Variants in XYLT1 observed in about 807,000 individuals in gnomAD.
The protein encoded by XYLT1 is beta-D-xylosyltransferase 1.
Under a neutral mutation model 91.3 loss-of-function variants are expected in XYLT1, and 36 were observed. The ratio of observed to expected loss-of-function variants is 0.39; its 90% CI spans 0.30 to 0.52. The LOEUF (loss-of-function observed/expected upper bound fraction) is 0.52, where lower values mean the gene tolerates loss of function less well. Ranked by LOEUF, XYLT1 falls within the 20% of genes least tolerant of loss-of-function variation. XYLT1 has a pLI of 0.68. For synonymous variants in XYLT1, 588 were observed against 532.0 expected, an observed-to-expected ratio of 1.11 and a Z score of -1.45; for missense variants, 1,242 against 1,284.5, an observed-to-expected ratio of 0.97 and a Z score of 0.51.
intron 11 of XYLT1, among the ~76,000 whole-genome samples, chr16:17,117,316 T>C (rs1259498206): frequency 6.6e-6 from 1 of 152,220 alleles, no homozygotes; most frequent in Non-Finnish European, 1.5e-5. Flanking sequence ...TTTTTTAAAA[T>C]AGTAAACAAG....
intron 6 of XYLT1, among the ~76,000 whole-genome samples, chr16:17,158,530 A>T (rs1039597586): frequency 6.6e-6 from 1 of 152,210 alleles, no homozygotes; most frequent in African/African-American, 2.4e-5. Context: ...AATGAGAATT[A>T]ACCGTGGGTG....
intron 2 of XYLT1, among the ~76,000 whole-genome samples, chr16:17,351,179 A>T (rs780507131): frequency 2.6e-5 from 4 of 152,168 alleles, no homozygotes; most frequent in Admixed American, 6.5e-5. Context: ...GTCATTGTGT[A>T]CCCAGAGTCA....
At chr16:17,153,497 C>T (rs565140337) in intron 6 of XYLT1, among the ~76,000 whole-genome samples, 4 of 152,272 alleles carry the variant, frequency 2.6e-5, no homozygotes, top group Non-Finnish European at 5.9e-5. Context: ...TGGTGCAAGC[C>T]TCAAACTCCT....
intron 5 of XYLT1, among the ~76,000 whole-genome samples, chr16:17,163,148 C>T (rs1339415152): frequency 6.6e-6 from 1 of 152,158 alleles, no homozygotes; most frequent in African/African-American, 2.4e-5. Flanking sequence ...TGCATAAGAC[C>T]CATGGAATGT....
chr16:17,286,401 A>G (rs977557038), intron 2 of XYLT1, among the ~76,000 whole-genome samples: 1 of 152,206 alleles, frequency 6.6e-6, no homozygotes, highest in Non-Finnish European at 1.5e-5. Context: ...TTTTGGTCAA[A>G]CCATGGACTG....
intron 1 of XYLT1, among the ~76,000 whole-genome samples, chr16:17,453,032 G>T (rs1359250226): frequency 6.6e-6 from 1 of 152,268 alleles, no homozygotes; most frequent in East Asian, 1.9e-4. Context: ...CTCACATCTG[G>T]GAATTCCACT....
At chr16:17,127,601 T>C (rs1029227545) in intron 10 of XYLT1, 65 bp downstream of exon 10, 88 of 1,530,570 alleles carry the variant, frequency 5.7e-5, no homozygotes, top group Non-Finnish European at 7.6e-5. Flanking sequence ...TGTCAGATAG[T>C]GGAGTAGAAT....
chr16:17,181,189 C>G (rs544540803), intron 5 of XYLT1, among the ~76,000 whole-genome samples: 1 of 152,284 alleles, frequency 6.6e-6, no homozygotes, highest in Non-Finnish European at 1.5e-5. Context: ...TGTCTTCAAA[C>G]AGCCTTGCAG....
chr16:17,447,408 C>A (rs1051839219), intron 1 of XYLT1, among the ~76,000 whole-genome samples: 3 of 152,234 alleles, frequency 2.0e-5, no homozygotes, highest in Non-Finnish European at 4.4e-5. Context: ...CATTCTAGAC[C>A]CTGTGCCAGG....
chr16:17,351,014 GAA>G (rs869058864), intron 2 of XYLT1, among the ~76,000 whole-genome samples: 1 of 151,784 alleles, frequency 6.6e-6, no homozygotes, highest in South Asian at 2.1e-4. Flanking sequence ...GCTGGATTAA[GAA>G]AAAAAAATTT....
At chr16:17,152,057 A>G (rs2031296434) in intron 6 of XYLT1, among the ~76,000 whole-genome samples, 1 of 152,166 alleles carries the variant, frequency 6.6e-6, no homozygotes, top group Non-Finnish European at 1.5e-5. Context: ...ATTTTTGAAA[A>G]CATTGTTTAC....
Position 17,317,117 on chromosome 16 carries a change from C to T in XYLT1, c.402+40895G>A, listed in dbSNP as rs144275830. On this transcript the variant is annotated intron_variant, in intron 2 of 11. Transcript: ENST00000261381. ...GATTACAGGCGTGAGCCACCGTGCC[C>T]GGCCCCCAGGCAGATTTTATGGAGC... 5.2e-3 allele frequency among the ~76,000 whole-genome samples: 796 copies of T among 152,058 alleles called. 9 individuals carry two copies. The highest frequency in any genetic ancestry group is 0.019 in the African/African-American group (778 of 41,490).
rs535976433 is a variant in XYLT1, at chr16:17,142,851, G to A, written c.1371-1482C>T. Among the ~76,000 whole-genome samples, 7 of 152,276 alleles carry A rather than the reference G, an allele frequency of 4.6e-5. No individual in the cohort carries two copies. The South Asian group carries it at 1.5e-3, about 32-fold the overall frequency. Reference sequence around the variant, plus strand: ...ATGATTCCTACTGGTGACCGAGTCAGTTAGTTACTGCTAATACTACTGTGA... The same window carrying A: ...ATGATTCCTACTGGTGACCGAGTCAATTAGTTACTGCTAATACTACTGTGA... On this transcript the variant is annotated intron_variant, in intron 6 of 11. Coordinates refer to ENST00000261381, the MANE Select transcript of XYLT1 (RefSeq NM_022166.4).
chr16:17,431,096 TA>T (rs2036384161), intron 1 of XYLT1, among the ~76,000 whole-genome samples: 1 of 152,188 alleles, frequency 6.6e-6, no homozygotes, highest in Admixed American at 6.5e-5. Context: ...CTGCAGCCCA[TA>T]AAGTCTCTGT....
chr16:17,292,681 T>C (rs543264839), intron 2 of XYLT1, among the ~76,000 whole-genome samples: 1 of 152,272 alleles, frequency 6.6e-6, no homozygotes, highest in Admixed American at 6.5e-5. Context: ...CAATGGGAAA[T>C]GAAGCAGAGA....
At chr16:17,158,107 G>A (rs1184446655) in intron 6 of XYLT1, among the ~76,000 whole-genome samples, 6 of 152,242 alleles carry the variant, frequency 3.9e-5, no homozygotes, top group African/African-American at 9.6e-5. Context: ...TACAGGGGGC[G>A]CTCAATACTG....
chr16:17,219,298 A>G (rs1409820081), intron 3 of XYLT1, among the ~76,000 whole-genome samples: 1 of 137,510 alleles, frequency 7.3e-6, no homozygotes, highest in Non-Finnish European at 1.5e-5. Flanking sequence ...AAAAAAAAAA[A>G]AAAGAAAAAG....
At chr16:17,337,784 T>TC (rs2035006603) in intron 2 of XYLT1, among the ~76,000 whole-genome samples, 1 of 145,196 alleles carries the variant, frequency 6.9e-6, no homozygotes, top group Non-Finnish European at 1.5e-5. Context: ...TCTTTTTCTT[T>TC]TTTTTTTTTT....
chr16:17,437,891 G>A (rs999378633), intron 1 of XYLT1, among the ~76,000 whole-genome samples: 3 of 152,152 alleles, frequency 2.0e-5, no homozygotes, highest in East Asian at 1.9e-4. Context: ...ACTGGTTGCC[G>A]CACGGTGCAG....
Sources: allele counts gnomAD v4.1 joint callset (sites outside exome capture counted in the v4.1 genomes callset), GRCh38; gene constraint gnomAD v4.1.1; transcripts MANE v1.5; gene names NCBI Gene and HGNC (gene_info 2026-07-23, HGNC 2026-07-21).